QPRT: variants seen among roughly 807,000 people sequenced by gnomAD.
QPRT encodes quinolinate phosphoribosyltransferase, also known as nicotinate-nucleotide pyrophosphorylase [carboxylating].
QPRT carries 17 observed loss-of-function variants against 19.8 expected under a neutral mutation model. The observed-to-expected ratio is 0.86, with a 90% CI of 0.59 to 1.29. The LOEUF is 1.29. Ranked by LOEUF, QPRT falls within the 50% of genes most tolerant of loss-of-function variation. QPRT has a pLI of 0.00. For synonymous variants in QPRT, 178 were observed against 191.0 expected (o/e 0.93, Z 0.56); for missense variants, 336 against 405.1 (o/e 0.83, Z 1.46).
At chr16:29,686,535 C>T (rs752900673) in intron 1 of QPRT, among the ~76,000 whole-genome samples, 3 of 152,188 alleles carry the variant, frequency 2.0e-5, no homozygotes, top group Admixed American at 6.5e-5. Flanking sequence ...CTTGCTCTGT[C>T]GCCCAGGCTG....
intron 1 of QPRT, among the ~76,000 whole-genome samples, chr16:29,692,516 G>T (rs1967378030): frequency 6.6e-6 from 1 of 151,172 alleles, no homozygotes; most frequent in Admixed American, 6.6e-5. Context: ...GGGAGGCGGA[G>T]CTTGCCGTGA....
chr16:29,684,709 C>T (rs762521473), intron 1 of QPRT, among the ~76,000 whole-genome samples: 4 of 152,208 alleles, frequency 2.6e-5, no homozygotes, highest in Non-Finnish European at 5.9e-5. Context: ...CCACCATCCA[C>T]ATCTCCTGCT....
chr16:29,694,556 A>C, intron 1 of QPRT, 108 bp from the exon 2 acceptor site: 1 of 1,092,206 alleles, frequency 9.2e-7, no homozygotes, highest in East Asian at 4.0e-5. Context: ...CTAGATCTTG[A>C]GGCTGATGGG....
chr16:29,685,741 T>C (rs933410582), intron 1 of QPRT, among the ~76,000 whole-genome samples: 2 of 152,118 alleles, frequency 1.3e-5, no homozygotes, highest in African/African-American at 2.4e-5. Flanking sequence ...GGATCACACT[T>C]GTAATCCCAG....
intron 1 of QPRT, among the ~76,000 whole-genome samples, chr16:29,686,252 C>G (rs1437752104): frequency 6.6e-6 from 1 of 152,154 alleles, no homozygotes; most frequent in Non-Finnish European, 1.5e-5. Flanking sequence ...CTCCTCCCAC[C>G]ATGTCACCTG....
Position 29,697,498 on chromosome 16 carries a change from C to A in QPRT, c.*87C>A. On this transcript the variant is annotated 3_prime_UTR_variant, in exon 4 of 4. Coordinates refer to ENST00000395384, the MANE Select transcript of QPRT (RefSeq NM_014298.6). The surrounding 1 kb of genome is among the most constrained non-coding windows in gnomAD (Gnocchi z 4.4). ...GTCACACATCTTTAGGGTCAGTGGC[C>A]AATGGGGCACATTTGGCACTAGCTT... 1.5e-6 allele frequency: 2 copies of A among 1,351,872 alleles called. No individual in the cohort carries two copies. The highest frequency in any genetic ancestry group is 2.0e-6 in the Non-Finnish European group (2 of 992,834). 83.7% of individuals were successfully genotyped at this position (1,351,872 alleles called of 1,614,324 possible).
intron 1 of QPRT, among the ~76,000 whole-genome samples, chr16:29,690,598 C>T (rs1340275726): frequency 6.6e-6 from 1 of 151,874 alleles, no homozygotes; most frequent in Non-Finnish European, 1.5e-5. Context: ...CAGGATGCTG[C>T]GGGAATGGGA....
intron 2 of QPRT, among the ~76,000 whole-genome samples, chr16:29,695,484 CTTTTTTTTTT>C (rs962384967): frequency 6.4e-5 from 6 of 93,612 alleles, no homozygotes; most frequent in Middle Eastern, 0.01. Flanking sequence ...CTAATTTTTG[CTTTTTTTTTT>C]TTTTTTTTTT....
At chr16:29,679,266 C>T (rs1393277822) in intron 1 of QPRT, 56 bp downstream of exon 1, 6 of 1,382,626 alleles carry the variant, frequency 4.3e-6, no homozygotes, top group East Asian at 4.7e-5. Flanking sequence ...CTGCCTACCC[C>T]TGCCCCCACC....
chr16:29,679,856 C>T (rs1966939405), intron 1 of QPRT, among the ~76,000 whole-genome samples: 1 of 151,826 alleles, frequency 6.6e-6, no homozygotes, highest in Admixed American at 6.6e-5. Context: ...CGGGGTGAAA[C>T]GGTGAAGGTG....
rs1967290072 is a variant in QPRT at position 29,690,354 on chromosome 16, ACATTCCTTTGGGTATATACC to A, written c.14-4307_14-4288del. Among the ~76,000 whole-genome samples, 7 of 152,320 alleles carry A rather than the reference ACATTCCTTTGGGTATATACC, an allele frequency of 4.6e-5. No individual in the cohort carries two copies. The South Asian group carries it at 1.4e-3, about 32-fold the overall frequency. On this transcript the variant is annotated intron_variant, in intron 1 of 3. Coordinates refer to ENST00000395384, the MANE Select transcript of QPRT (RefSeq NM_014298.6). ...ATGTGTCTTTATAACAGAATGGTTT[ACATTCCTTTGGGTATATACC>A]CAGTAATGGGATTGCTGGGTGGAAT...
Position 29,698,625 on chromosome 16 carries a change from CT to C in QPRT, c.*1219del, listed in dbSNP as rs1967625847. On this transcript the variant is annotated 3_prime_UTR_variant, in exon 4 of 4. Coordinates refer to ENST00000395384, the MANE Select transcript of QPRT (RefSeq NM_014298.6). ...AAGCCTTTAAAAAGGCCAAGAATTT[CT>C]TTTTCAGGGATCTCAGCTATTAAGA... is the stretch of plus-strand genomic sequence containing the variant. 1 of 152,290 alleles carries C rather than the reference CT, an allele frequency of 6.6e-6. No individual in the cohort carries two copies. 9.4% of individuals were successfully genotyped at this position (152,290 alleles called of 1,614,324 possible). A position where few individuals can be genotyped will look rare whatever the true frequency, so the allele number is the denominator to read the frequency against.
In QPRT at chr16:29,696,977, C is replaced by A; in HGVS notation, c.550-19C>A. 1 of 1,585,880 alleles carries A rather than the reference C, an allele frequency of 6.3e-7. No homozygotes were observed. The highest frequency in any genetic ancestry group is 8.6e-7 in the Non-Finnish European group (1 of 1,168,716). On this transcript the variant is annotated intron_variant, in intron 2 of 3. Transcript: ENST00000395384. The stretch of plus-strand genomic sequence containing the variant: ...TGCTGGGCCCAGTCCTCACCCTTGT[C>A]CTCCCGGCTGCCCAGCAGGCGGTGC...
In QPRT at chr16:29,694,849, C is replaced by T. The variant is rs1285814432; in HGVS notation, c.199C>T (p.Leu67Phe). The part of the protein sequence containing the change: ...QPFFDAIFTQ[L>F]NCQVSWFLPE... ...TTTCTTCGATGCCATATTTACCCAA[C>T]TCAACTGCCAAGTCTCCTGGTTCCT... is the stretch of plus-strand genomic sequence containing the variant. The change falls in exon 2 of 4, where the codon CTC (leucine) becomes TTC (phenylalanine). Residue 67 changes from leucine (L) to phenylalanine (F), a missense_variant. Coordinates refer to ENST00000395384, the MANE Select transcript of QPRT (RefSeq NM_014298.6). 4 of 1,614,006 alleles carry T rather than the reference C, an allele frequency of 2.5e-6. No individual in the cohort carries two copies. Among genetic ancestry groups the T allele is most frequent in the Non-Finnish European group, 2.5e-6 (3 of 1,179,968 alleles).
chr16:29,684,893 CAG>C (rs1555491834), intron 1 of QPRT, among the ~76,000 whole-genome samples: 3 of 152,200 alleles, frequency 2.0e-5, no homozygotes, highest in East Asian at 1.9e-4. Flanking sequence ...CAAAGGGGAA[CAG>C]GGGTGCCCGC....
At chr16:29,679,086 C>G (rs576226000), upstream of QPRT, 23 of 1,596,124 alleles carry the variant, frequency 1.4e-5, no homozygotes, top group African/African-American at 1.7e-4. Flanking sequence ...GAAGGGCCGG[C>G]TGACAGCTTG....
intron 1 of QPRT, among the ~76,000 whole-genome samples, chr16:29,691,766 G>A (rs969913180): frequency 6.6e-6 from 1 of 152,142 alleles, no homozygotes; most frequent in Non-Finnish European, 1.5e-5. Flanking sequence ...CCCAGCCTCA[G>A]TATAGCTAGC....
At chr16:29,679,507 G>A (rs925805516) in intron 1 of QPRT, among the ~76,000 whole-genome samples, 1 of 152,120 alleles carries the variant, frequency 6.6e-6, no homozygotes, top group African/African-American at 2.4e-5. Flanking sequence ...TGGGGGCAGT[G>A]GGGGCCGGAA....
intron 1 of QPRT, among the ~76,000 whole-genome samples, chr16:29,692,622 T>C (rs1967383701): frequency 6.6e-6 from 1 of 151,278 alleles, no homozygotes; most frequent in Non-Finnish European, 1.5e-5. Flanking sequence ...GGGGTGCACA[T>C]TGATAAAGGC....
Sources: allele counts gnomAD v4.1 joint callset (sites outside exome capture counted in the v4.1 genomes callset), GRCh38; gene constraint gnomAD v4.1.1; non-coding constraint Gnocchi (gnomAD v3.1); transcripts MANE v1.5; gene names NCBI Gene and HGNC (gene_info 2026-07-23, HGNC 2026-07-21).